HDAC4: variants seen among roughly 807,000 people sequenced by gnomAD.
HDAC4 encodes the protein histone deacetylase A.
In HDAC4, 16 loss-of-function variants were observed where a neutral mutation model predicts 135.1. The observed-to-expected ratio is 0.12, with a 90% CI of 0.08 to 0.18. The LOEUF (loss-of-function observed/expected upper bound fraction) is 0.18, where lower values mean the gene tolerates loss of function less well. Ranked by LOEUF, HDAC4 falls within the 10% of genes least tolerant of loss-of-function variation. The probability of loss-of-function intolerance (pLI) is 1.00; values close to 1 mark genes in which losing one functional copy is unlikely to be tolerated. For synonymous variants in HDAC4, 685 were observed against 653.4 expected, an observed-to-expected ratio of 1.05 and a Z score of -0.74; for missense variants, 1,143 against 1,511.8, an observed-to-expected ratio of 0.76 and a Z score of 4.05.
rs777860762 is a variant in HDAC4, at chr2:239,111,654, A to G, written c.1850T>C (p.Met617Thr). ...IHQLRNYQASMEAAGIPVSFG... is the reference protein window; with the variant it reads ...IHQLRNYQASTEAAGIPVSFG... ...GGACACGGGGATGCCGGCGGCCTCCATGGACGCCTGGTAGTTCCTCAGCTG... is the reference window on the plus strand; with the variant it reads ...GGACACGGGGATGCCGGCGGCCTCCGTGGACGCCTGGTAGTTCCTCAGCTG... The change falls in exon 14 of 27, where the codon ATG becomes ACG. Residue 617 changes from methionine (M) to threonine (T), a missense_variant. Physicochemically the swap from Met to Thr is moderately conservative, Grantham distance 81. Around this residue, in one of 9 missense-constraint regions of HDAC4, gnomAD observed 196 missense variants for 210.7 expected, o/e 0.93. Coordinates refer to ENST00000543185, the MANE Select transcript of HDAC4 (RefSeq NM_001378414.1). The G allele has an allele frequency of 6.2e-7, 1 of 1,606,548 alleles. No individual in the cohort carries two copies. The highest frequency in any genetic ancestry group is 2.2e-5 in the East Asian group (1 of 44,522).
chr2:239,235,514 G>A (rs2047835186), intron 3 of HDAC4, among the ~76,000 whole-genome samples: 1 of 152,190 alleles, frequency 6.6e-6, no homozygotes, highest in Non-Finnish European at 1.5e-5. Flanking sequence ...TCCCTGCAAG[G>A]CCCAGCCACA....
intron 4 of HDAC4, among the ~76,000 whole-genome samples, chr2:239,187,572 C>T (rs1217328317): frequency 6.6e-6 from 1 of 152,166 alleles, no homozygotes; most frequent in Non-Finnish European, 1.5e-5. Flanking sequence ...TTCTCCCAGG[C>T]CAGAAAAACA....
chr2:239,067,693 G>A (rs2033697060), intron 23 of HDAC4, among the ~76,000 whole-genome samples: 1 of 152,156 alleles, frequency 6.6e-6, no homozygotes, highest in Non-Finnish European at 1.5e-5. Flanking sequence ...AGGCCCCAGG[G>A]GAGCACAGCC....
rs1312857570 is a variant in HDAC4, at chr2:239,285,106, C to T, written c.23-48442G>A. Among the ~76,000 whole-genome samples, 2 of 152,210 alleles carry T rather than the reference C, an allele frequency of 1.3e-5. No individual in the cohort carries two copies. Among genetic ancestry groups the T allele is most frequent in the Non-Finnish European group, 2.9e-5 (2 of 68,030 alleles). ...CCACACCTAGACAATCTACAGTCTACCTTCATGGCAACCTGGAAGGCCAGG... is the reference window on the plus strand; with the variant it reads ...CCACACCTAGACAATCTACAGTCTATCTTCATGGCAACCTGGAAGGCCAGG... On this transcript the variant is annotated intron_variant, in intron 2 of 26. Transcript: ENST00000543185. This position sits in a 1 kb window ranked among gnomAD's most constrained non-coding sequence, Gnocchi z 4.5.
chr2:239,282,951 C>T (rs988982024), intron 2 of HDAC4, among the ~76,000 whole-genome samples: 37 of 152,034 alleles, frequency 2.4e-4, no homozygotes, highest in African/African-American at 8.9e-4. Context: ...ATGTACACAC[C>T]ACTCTACAAT....
At chr2:239,339,291 T>C (rs1264020412) in intron 2 of HDAC4, among the ~76,000 whole-genome samples, 1 of 152,210 alleles carries the variant, frequency 6.6e-6, no homozygotes, top group East Asian at 1.9e-4. Context: ...TTCCATCAGC[T>C]GCAGGGCCAG....
chr2:239,083,363 G>A (rs1476273503), intron 20 of HDAC4, among the ~76,000 whole-genome samples: 1 of 152,204 alleles, frequency 6.6e-6, no homozygotes, highest in Non-Finnish European at 1.5e-5. Context: ...TGGGTGTGGG[G>A]GACCCGCTGC....
At chr2:239,288,595 TGATTG>T (rs2051279813) in intron 2 of HDAC4, among the ~76,000 whole-genome samples, 1 of 151,898 alleles carries the variant, frequency 6.6e-6, no homozygotes, top group South Asian at 2.1e-4. Flanking sequence ...TTTAATAAGA[TGATTG>T]GATATAAAAA....
chr2:239,290,924 TA>T (rs1355844978), intron 2 of HDAC4, among the ~76,000 whole-genome samples: 2 of 152,292 alleles, frequency 1.3e-5, no homozygotes, highest in East Asian at 3.9e-4. Context: ...CGTGGCACAG[TA>T]AGGCAAGGGG....
chr2:239,310,930 C>T (rs2052845374), intron 2 of HDAC4, among the ~76,000 whole-genome samples: 3 of 152,202 alleles, frequency 2.0e-5, no homozygotes, highest in Admixed American at 1.3e-4. Context: ...TTTAAGAAAA[C>T]GAACCCTGAC....
At chr2:239,374,072 A>G (rs1209981187) in intron 1 of HDAC4, among the ~76,000 whole-genome samples, 1 of 152,218 alleles carries the variant, frequency 6.6e-6, no homozygotes, top group Non-Finnish European at 1.5e-5. Context: ...AGCCCCTCTA[A>G]GGAGGGACAC....
chr2:239,176,719 A>T (rs2153001740), intron 4 of HDAC4, among the ~76,000 whole-genome samples, 156 bp from the exon 5 acceptor site: 1 of 152,248 alleles, frequency 6.6e-6, no homozygotes. Flanking sequence ...TTTCAGTCCA[A>T]AAAAAGAAGT....
chr2:239,218,273 T>C (rs1559240707), intron 3 of HDAC4, among the ~76,000 whole-genome samples: 4 of 151,988 alleles, frequency 2.6e-5, no homozygotes, highest in Non-Finnish European at 5.9e-5. Context: ...AACAGAGATA[T>C]AGATCAATGG....
chr2:239,121,611 A>G (rs1279007194), intron 12 of HDAC4, among the ~76,000 whole-genome samples: 1 of 152,206 alleles, frequency 6.6e-6, no homozygotes, highest in Non-Finnish European at 1.5e-5. Context: ...ACGAGGATGA[A>G]GCCTCTGAAG....
At position 239,092,855 on chromosome 2, in the gene HDAC4, T is replaced by C. The variant is rs574458668; in HGVS notation, c.2280+2155A>G. Among the ~76,000 whole-genome samples the C allele has an allele frequency of 1.9e-4, 29 of 152,316 alleles. No homozygotes were observed. In the East Asian group the frequency reaches 5.6e-3, roughly 29 times the overall value. ...CTCACTCTGTGTTTCGTTTCTTTTT[T>C]TTTTTGTTTTCTTTTCCTTTCTTTC... is the stretch of plus-strand genomic sequence containing the variant. On this transcript the variant is annotated intron_variant, in intron 17 of 26. Coordinates refer to ENST00000543185, the MANE Select transcript of HDAC4 (RefSeq NM_001378414.1).
At chr2:239,351,285 C>T (rs758772136) in intron 2 of HDAC4, among the ~76,000 whole-genome samples, 2 of 152,176 alleles carry the variant, frequency 1.3e-5, no homozygotes, top group Non-Finnish European at 2.9e-5. Context: ...AATATCCATT[C>T]GCAAGGTATC....
At chr2:239,385,104 C>T (rs561008685) in intron 1 of HDAC4, among the ~76,000 whole-genome samples, 1 of 152,344 alleles carries the variant, frequency 6.6e-6, no homozygotes, top group East Asian at 1.9e-4. Context: ...GAGAAGGGCA[C>T]CTTGCTTCCC....
chr2:239,291,915 C>T (rs1045433103), intron 2 of HDAC4, among the ~76,000 whole-genome samples: 4 of 152,220 alleles, frequency 2.6e-5, no homozygotes, highest in Non-Finnish European at 4.4e-5. Flanking sequence ...CAAGAGTTCC[C>T]GCTCCAGTGG....
intron 2 of HDAC4, among the ~76,000 whole-genome samples, chr2:239,323,946 A>T (rs1038334843): frequency 2.6e-5 from 4 of 152,226 alleles, no homozygotes; most frequent in Non-Finnish European, 4.4e-5. Context: ...TTCAGAATGA[A>T]ATATATCCTC....
Sources: allele counts gnomAD v4.1 joint callset (sites outside exome capture counted in the v4.1 genomes callset), GRCh38; gene constraint gnomAD v4.1.1; regional missense constraint gnomAD v4.1.1; non-coding constraint Gnocchi (gnomAD v3.1); transcripts MANE v1.5; gene names NCBI Gene and HGNC (gene_info 2026-07-23, HGNC 2026-07-21).